TCF3: variants seen among roughly 807,000 people sequenced by gnomAD.
TCF3 encodes the protein transcription factor 3, also known as transcription factor E2-alpha.
A neutral mutation model predicts 72.3 loss-of-function variants in TCF3; 54 were observed. The observed-to-expected ratio is 0.75, with a 90% CI of 0.60 to 0.94. The LOEUF is 0.94. Among genes scored for constraint, TCF3 ranks in the 40% least tolerant of loss-of-function variants. The pLI is 0.00. For missense variants in TCF3, 1,078 were observed against 934.4 expected (o/e 1.15, Z -2.00); for synonymous variants, 525 against 412.6 (o/e 1.27, Z -3.30).
intron 7 of TCF3, among the ~76,000 whole-genome samples, chr19:1,624,942 G>A (rs1037257500): frequency 6.6e-6 from 1 of 152,164 alleles, no homozygotes; most frequent in South Asian, 2.1e-4. Flanking sequence ...AACTCCCAGG[G>A]TCAAACCATC....
At chr19:1,635,752 T>G (rs755080213) in intron 3 of TCF3, among the ~76,000 whole-genome samples, 1 of 152,136 alleles carries the variant, frequency 6.6e-6, no homozygotes, top group Non-Finnish European at 1.5e-5. Flanking sequence ...AAATTACATT[T>G]AAAAATGTGT....
intron 2 of TCF3, among the ~76,000 whole-genome samples, chr19:1,647,115 G>C (rs1038726097): frequency 6.6e-6 from 1 of 152,190 alleles, no homozygotes; most frequent in Non-Finnish European, 1.5e-5. Flanking sequence ...GCACCCCACA[G>C]CTGATCCAGC....
At chr19:1,621,655 A>G (rs545057294) in intron 11 of TCF3, among the ~76,000 whole-genome samples, 183 bp downstream of exon 11, 1 of 152,282 alleles carries the variant, frequency 6.6e-6, no homozygotes, top group African/African-American at 2.4e-5. Context: ...GTTTCCAGAC[A>G]TCCCAAGCCC....
chr19:1,642,286 GCA>G (rs1183710190), intron 3 of TCF3, among the ~76,000 whole-genome samples: 1 of 144,982 alleles, frequency 6.9e-6, no homozygotes, highest in Non-Finnish European at 1.5e-5. Context: ...GCACAGACGC[GCA>G]CACGCACAGA....
chr19:1,629,750 G>A (rs919814510), intron 5 of TCF3, among the ~76,000 whole-genome samples: 4 of 152,214 alleles, frequency 2.6e-5, no homozygotes, highest in African/African-American at 7.2e-5. Context: ...GCTGGGACGC[G>A]CGATCGAGTA....
rs114391082 is a variant in TCF3 at position 1,614,712 on chromosome 19, T to A, written c.1822+573A>T. Among the ~76,000 whole-genome samples, 913 of 151,956 alleles carry A rather than the reference T, an allele frequency of 6.0e-3. 13 individuals are homozygous for A. The highest frequency in any genetic ancestry group is 0.021 in the African/African-American group (862 of 41,424). On this transcript the variant is annotated intron_variant, in intron 18 of 18. Transcript: ENST00000262965. The surrounding 1 kb of genome is among the most constrained non-coding windows in gnomAD (Gnocchi z 5.6). ...AGCGGGGGGAAGGAGTCAGCTCACA[T>A]CTGCGGGTGGGGACAGGGTCTGTCT...
chr19:1,627,807 AG>A (rs1355831654), intron 5 of TCF3, among the ~76,000 whole-genome samples: 7 of 97,250 alleles, frequency 7.2e-5, no homozygotes, highest in South Asian at 7.2e-4. Context: ...CAGAGCTCAC[AG>A]GGGGTGAGGC....
chr19:1,629,401 A>G (rs1027142386), intron 5 of TCF3, among the ~76,000 whole-genome samples: 3 of 152,136 alleles, frequency 2.0e-5, no homozygotes, highest in Admixed American at 6.5e-5. Flanking sequence ...CCTGCACCCC[A>G]CCAATGAGCA....
rs1817571950 is a variant in TCF3 at position 1,611,696 on chromosome 19, A to G, written c.*11T>C. 8.1e-6 allele frequency: 13 copies of G among 1,610,224 alleles called. No individual in the cohort carries two copies. Among genetic ancestry groups the G allele is most frequent in the African/African-American group, 1.3e-5 (1 of 74,772 alleles). On this transcript the variant is annotated 3_prime_UTR_variant, in exon 19 of 19. Coordinates refer to ENST00000262965, the MANE Select transcript of TCF3 (RefSeq NM_003200.5). ...TGAAAGCGGGTGGCTCGTCCCACGG[A>G]GGCATACCTTTCACATGTGCCCGGC...
intron 7 of TCF3, 68 bp downstream of exon 7, chr19:1,625,508 A>C: frequency 1.4e-6 from 2 of 1,466,908 alleles, no homozygotes; most frequent in Admixed American, 2.6e-5. Context: ...AGCTAACGGG[A>C]AGCCTCCTAC....
At chr19:1,650,153 G>A (rs750536891) in intron 2 of TCF3, 24 bp downstream of exon 2, 2 of 1,555,114 alleles carry the variant, frequency 1.3e-6, no homozygotes, top group South Asian at 1.2e-5. Flanking sequence ...GGGTGTCGGG[G>A]GCTGGGCGGG....
chr19:1,642,225 C>G (rs545403790), intron 3 of TCF3, among the ~76,000 whole-genome samples: 1 of 149,714 alleles, frequency 6.7e-6, no homozygotes, highest in Non-Finnish European at 1.5e-5. Context: ...CGCAGACGCA[C>G]AGACACGCAC....
chr19:1,615,566 T>A lies in TCF3; in HGVS notation c.1587-46A>T. ...GGGGGCCAGAGGGAGACAGTGAGGT[T>A]GGGGGAAGAGCGTGGGGCCCGCCGA... On this transcript the variant is annotated intron_variant, in intron 17 of 18. Coordinates refer to ENST00000262965, the MANE Select transcript of TCF3 (RefSeq NM_003200.5). This position sits in a 1 kb window ranked among gnomAD's most constrained non-coding sequence, Gnocchi z 7.3. 2 of 1,603,524 alleles carry A rather than the reference T, an allele frequency of 1.2e-6. No homozygotes were observed. The highest frequency in any genetic ancestry group is 2.2e-5 in the South Asian group (2 of 90,998).
chr19:1,612,436 G>A lies in TCF3; in HGVS notation c.1823-587C>T, dbSNP rs770488563. ...GGGACAGCACCTCGTCCGTACTGCTGGGTCACAGCACCGAGGCCTCTGTTA... is the reference window on the plus strand; with the variant it reads ...GGGACAGCACCTCGTCCGTACTGCTAGGTCACAGCACCGAGGCCTCTGTTA... On this transcript the variant is annotated intron_variant, in intron 18 of 18. Transcript: ENST00000262965. The A allele has an allele frequency of 5.0e-6, 8 of 1,610,368 alleles. No homozygotes were observed. In the African/African-American group the frequency reaches 5.3e-5, roughly 11 times the overall value.
Position 1,619,763 on chromosome 19 carries a change from G to GTAT in TCF3, c.1167+16_1167+17insATA. ...TTCTGTCGGGGAAGGGTGGGGTGGG[G>GTAT]CGGGGCAGGCACTCACCAGGCCGTG... On this transcript the variant is annotated intron_variant, in intron 14 of 18. Coordinates refer to ENST00000262965, the MANE Select transcript of TCF3 (RefSeq NM_003200.5). 1 of 1,530,094 alleles carries GTAT rather than the reference G, an allele frequency of 6.5e-7. No homozygotes were observed. The highest frequency in any genetic ancestry group is 2.5e-5 in the East Asian group (1 of 39,866). 94.8% of individuals were successfully genotyped at this position (1,530,094 alleles called of 1,614,324 possible).
intron 5 of TCF3, among the ~76,000 whole-genome samples, chr19:1,629,507 G>C (rs1184375531): frequency 2.6e-5 from 4 of 152,124 alleles, no homozygotes; most frequent in Admixed American, 2.6e-4. Context: ...GGAAGGCCTG[G>C]GCTACGGAGG....
chr19:1,640,946 TGAGACC>T (rs2065147939), intron 3 of TCF3, among the ~76,000 whole-genome samples: 1 of 152,024 alleles, frequency 6.6e-6, no homozygotes, highest in Non-Finnish European at 1.5e-5. Context: ...GTCAGGAGTT[TGAGACC>T]AGCCTGGCCA....
intron 7 of TCF3, 137 bp from the exon 8 acceptor site, chr19:1,624,137 C>G (rs2062597173): frequency 1.3e-6 from 1 of 765,916 alleles, no homozygotes; most frequent in Non-Finnish European, 2.1e-6. Flanking sequence ...GTGCCTCATG[C>G]CTGTAATACC....
chr19:1,642,243 CGCACACACACGT>C (rs2065405569), intron 3 of TCF3, among the ~76,000 whole-genome samples: 1 of 146,202 alleles, frequency 6.8e-6, no homozygotes, highest in Non-Finnish European at 1.5e-5. Flanking sequence ...CACGCGCAGA[CGCACACACACGT>C]GCGCACACAC....
Sources: gnomAD v4.1 joint callset for allele counts (sites outside exome capture counted in the v4.1 genomes callset) on GRCh38, gnomAD v4.1.1 for gene constraint, Gnocchi (gnomAD v3.1) non-coding constraint, MANE v1.5 for transcripts, NCBI Gene and HGNC (gene_info 2026-07-23, HGNC 2026-07-21) for gene names.